DLG2: variants seen among roughly 807,000 people sequenced by gnomAD.
The protein encoded by DLG2 is disks large homolog 2.
In DLG2, 45 loss-of-function variants were observed where a neutral mutation model predicts 132.5. The observed-to-expected ratio is 0.34, with a 90% CI of 0.27 to 0.44. The LOEUF (loss-of-function observed/expected upper bound fraction) is 0.44, where lower values mean the gene tolerates loss of function less well. Among genes scored for constraint, DLG2 ranks in the 20% least tolerant of loss-of-function variants. The pLI is 1.00. For synonymous variants in DLG2, 424 were observed against 419.6 expected, an observed-to-expected ratio of 1.01 and a Z score of -0.13; for missense variants, 1,045 against 1,196.9, an observed-to-expected ratio of 0.87 and a Z score of 1.87.
At chr11:84,981,259 T>C (rs975830131) in intron 6 of DLG2, among the ~76,000 whole-genome samples, 1 of 152,214 alleles carries the variant, frequency 6.6e-6, no homozygotes, top group African/African-American at 2.4e-5. Context: ...TAAGTTCTAT[T>C]ACTATCTGTG....
chr11:84,715,540 C>A (rs1214593393), intron 6 of DLG2, among the ~76,000 whole-genome samples: 1 of 152,056 alleles, frequency 6.6e-6, no homozygotes, highest in East Asian at 1.9e-4. Flanking sequence ...AAATTTCCTC[C>A]CAATCTCCCA....
intron 6 of DLG2, among the ~76,000 whole-genome samples, chr11:85,022,283 T>G (rs1295371757): frequency 6.8e-6 from 1 of 147,650 alleles, no homozygotes; most frequent in East Asian, 2.1e-4. Context: ...AGAAAATTAC[T>G]TAGAGCACAA....
At chr11:84,468,198 T>A (rs2099099550) in intron 7 of DLG2, among the ~76,000 whole-genome samples, 1 of 151,586 alleles carries the variant, frequency 6.6e-6, no homozygotes, top group Admixed American at 6.6e-5. Context: ...TCAATTAATA[T>A]AAGGAGGAGA....
chr11:85,588,018 T>A (rs2079077832), intron 3 of DLG2, among the ~76,000 whole-genome samples: 1 of 152,214 alleles, frequency 6.6e-6, no homozygotes, highest in Non-Finnish European at 1.5e-5. Flanking sequence ...AGGCTAAGGA[T>A]AGACCCCAAT....
At chr11:83,487,032 A>AGAATAAT (rs1352994823) in intron 21 of DLG2, among the ~76,000 whole-genome samples, 1 of 144,076 alleles carries the variant, frequency 6.9e-6, no homozygotes, top group Non-Finnish European at 1.5e-5. Context: ...GTGCTAGGTG[A>AGAATAAT]GAATAATAAA....
chr11:84,679,305 C>T (rs1339012110), intron 6 of DLG2, among the ~76,000 whole-genome samples: 1 of 151,936 alleles, frequency 6.6e-6, no homozygotes, highest in East Asian at 1.9e-4. Context: ...TCAATGGAAA[C>T]ATGAAAGTTC....
chr11:84,781,692 T>C (rs912212026), intron 6 of DLG2, among the ~76,000 whole-genome samples: 15 of 152,252 alleles, frequency 9.9e-5, no homozygotes, highest in African/African-American at 3.4e-4. Flanking sequence ...GCAGTAGTTA[T>C]AGTTGAGACA....
At chr11:83,542,104 T>C (rs1166041792) in intron 19 of DLG2, among the ~76,000 whole-genome samples, 2 of 152,162 alleles carry the variant, frequency 1.3e-5, no homozygotes, top group Non-Finnish European at 2.9e-5. Context: ...TCTGCTTCTT[T>C]TCTTGGAGAC....
intron 18 of DLG2, among the ~76,000 whole-genome samples, chr11:83,758,324 T>C (rs2093740555): frequency 6.6e-6 from 1 of 152,034 alleles, no homozygotes; most frequent in Non-Finnish European, 1.5e-5. Flanking sequence ...CCCACAGAAC[T>C]ATGCACCCCT....
At chr11:85,019,524 G>T (rs952319045) in intron 6 of DLG2, among the ~76,000 whole-genome samples, 3 of 151,842 alleles carry the variant, frequency 2.0e-5, no homozygotes, top group Admixed American at 2.0e-4. Flanking sequence ...CAATGTGCAG[G>T]TTTGTTACAT....
At chr11:84,636,929 C>T (rs1364382915) in intron 6 of DLG2, among the ~76,000 whole-genome samples, 1 of 151,352 alleles carries the variant, frequency 6.6e-6, no homozygotes, top group Admixed American at 6.6e-5. Flanking sequence ...TTACAGGTGC[C>T]CACCACCACA....
At chr11:84,502,316 T>C (rs868161253) in intron 7 of DLG2, among the ~76,000 whole-genome samples, 6 of 7,366 alleles carry the variant, frequency 8.1e-4, no homozygotes, top group Non-Finnish European at 1.5e-3. Context: ...CTTTCTTTCT[T>C]TCTTTCTTTC....
chr11:85,067,278 A>G (rs1313689992), intron 6 of DLG2, among the ~76,000 whole-genome samples: 11 of 151,610 alleles, frequency 7.3e-5, no homozygotes, highest in Admixed American at 7.2e-4. Context: ...AATTTTGTTG[A>G]TCTTTCCAAA....
intron 7 of DLG2, chr11:84,316,763 T>C: frequency 6.7e-7 from 1 of 1,499,422 alleles, no homozygotes; most frequent in East Asian, 2.4e-5. Context: ...CATTCTAACC[T>C]TAAACAACTT....
At position 84,745,708 on chromosome 11, in the gene DLG2, A is replaced by G. The variant is rs117612110; in HGVS notation, c.358-210977T>C. Among the ~76,000 whole-genome samples, 160 of 152,340 alleles carry G rather than the reference A, an allele frequency of 1.1e-3. 5 individuals carry two copies. In the East Asian group the frequency reaches 0.029, roughly 28 times the overall value. On this transcript the variant is annotated intron_variant, in intron 6 of 27. Transcript: ENST00000376104. Reference sequence around the variant, plus strand: ...GAAGTAAAATATAAACAGCAGCGATAAGACTTAAAAAATAAGTTATTACAG... The same window carrying G: ...GAAGTAAAATATAAACAGCAGCGATGAGACTTAAAAAATAAGTTATTACAG...
At chr11:84,044,533 G>T (rs1593917101) in intron 11 of DLG2, among the ~76,000 whole-genome samples, 1 of 151,698 alleles carries the variant, frequency 6.6e-6, no homozygotes, top group East Asian at 1.9e-4. Context: ...TGGCAAGGGT[G>T]TTGGAAGAGA....
intron 18 of DLG2, among the ~76,000 whole-genome samples, chr11:83,711,436 G>A (rs954222280): frequency 1.9e-4 from 29 of 152,300 alleles, no homozygotes; most frequent in African/African-American, 6.5e-4. Flanking sequence ...GTGACTTGAC[G>A]TCAAGTGAGT....
At chr11:84,748,995 C>T (rs530091315) in intron 6 of DLG2, among the ~76,000 whole-genome samples, 1 of 152,096 alleles carries the variant, frequency 6.6e-6, no homozygotes, top group Admixed American at 6.6e-5. Context: ...ACAGCAACAC[C>T]CAATCTCTAA....
intron 15 of DLG2, among the ~76,000 whole-genome samples, chr11:83,890,837 G>A (rs2069586216): frequency 6.6e-6 from 1 of 152,128 alleles, no homozygotes; most frequent in South Asian, 2.1e-4. Context: ...GGAAAATACG[G>A]CTAGAGCTAA....
Sources: allele counts gnomAD v4.1 joint callset (sites outside exome capture counted in the v4.1 genomes callset), GRCh38; gene constraint gnomAD v4.1.1; transcripts MANE v1.5; gene names NCBI Gene and HGNC (gene_info 2026-07-23, HGNC 2026-07-21).